The following BMP15 variants were observed in gnomAD, a reference collection of about 807,000 sequenced individuals.
BMP15 encodes the protein bone morphogenetic protein 15, also known as growth/differentiation factor 9B.
In BMP15, 5 loss-of-function variants were observed where a neutral mutation model predicts 4.4. The observed-to-expected ratio is 1.13, with a 90% confidence interval of 0.59 to 2.38. The LOEUF (loss-of-function observed/expected upper bound fraction) is 2.38. BMP15 is among the 30% of genes most tolerant of loss of function. The pLI is 0.01. For missense variants in BMP15, 339 were observed against 309.8 expected, an observed-to-expected ratio of 1.09 and a Z score of -0.71; for synonymous variants, 125 against 114.6, an observed-to-expected ratio of 1.09 and a Z score of -0.58.
chrX:50,913,025 G>T (rs73488027), intron 1 of BMP15, among the ~76,000 whole-genome samples: 17,977 of 110,704 alleles, frequency 0.16, 1,140 homozygotes, highest in Non-Finnish European at 0.2. Flanking sequence ...AAAACAAGTT[G>T]GTTCCAATTG....
rs782790355 is a variant in BMP15 at position 50,913,738 on chromosome X, T to C, written c.329-2019T>C. 2.7e-5 allele frequency among the ~76,000 whole-genome samples: 3 copies of C among 110,638 alleles called. No homozygotes were observed. The East Asian group carries it at 8.6e-4, about 32-fold the overall frequency. ...CTTCAGGAAACATGTGATGTCAAGG[T>C]CTCAAAGAAAAGGGCAGTTCCTCCC... On this transcript the variant is annotated intron_variant, in intron 1 of 1. Coordinates refer to ENST00000252677, the MANE Select transcript of BMP15 (RefSeq NM_005448.2).
rs1557280278 is a variant in BMP15 at position 50,915,787 on chromosome X, C to T, written c.359C>T (p.Pro120Leu). Reference protein sequence around the residue: ...GTWHIQILGFPLRPNRGLYQL... With the variant: ...GTWHIQILGFLLRPNRGLYQL... Reference sequence around the variant, plus strand: ...TGGCATATACAGATCCTGGGCTTTCCTCTCAGACCAAACCGAGGACTATAC... The same window carrying T: ...TGGCATATACAGATCCTGGGCTTTCTTCTCAGACCAAACCGAGGACTATAC... The change falls in exon 2 of 2, where the codon CCT becomes CTT. Residue 120 changes from proline (P) to leucine (L), a missense_variant. Transcript: ENST00000252677. 1 of 1,209,438 alleles carries T rather than the reference C, an allele frequency of 8.3e-7. No homozygotes were observed. Among genetic ancestry groups the T allele is most frequent in the African/African-American group, 1.8e-5 (1 of 56,974 alleles).
chrX:50,916,022 G>A lies in BMP15; in HGVS notation c.594G>A (p.Lys198=), dbSNP rs1923120648. The stretch of plus-strand genomic sequence containing the variant: ...TTCAGCAAAGGTTCTGGAATAACAA[G>A]GGACACAGGATCCTACGACTCCGTT... The part of the protein sequence containing the change: ...QLVQQRFWNN[K]GHRILRLRFM... Residue 198 remains lysine, a synonymous_variant, in exon 2 of 2, where the codon AAG becomes AAA. Coordinates refer to ENST00000252677, the MANE Select transcript of BMP15 (RefSeq NM_005448.2). 8.3e-7 allele frequency: 1 copy of A among 1,211,936 alleles called. No individual in the cohort carries two copies. The highest frequency in any genetic ancestry group is 3.0e-5 in the East Asian group (1 of 33,846).
At position 50,916,505 on chromosome X, in the gene BMP15, G is replaced by A. The variant is rs147148606; in HGVS notation, c.1077G>A (p.Pro359=). The change falls in exon 2 of 2, where the codon CCG becomes CCA. Residue 359 remains proline, a synonymous_variant. Transcript: ENST00000252677. Reference sequence around the variant, plus strand: ...GTGTCCCCCGGCCCTCCTGTGTCCCGTATAAGTATGTTCCAATTAGTGTCC... The same window carrying A: ...GTGTCCCCCGGCCCTCCTGTGTCCCATATAAGTATGTTCCAATTAGTGTCC... ...DQSVPRPSCV[P]YKYVPISVLM... The A allele has an allele frequency of 2.2e-4, 266 of 1,209,270 alleles. No homozygotes were observed. The highest frequency in any genetic ancestry group is 2.8e-4 in the Non-Finnish European group (255 of 895,067).
At chrX:50,914,590 A>C (rs1182646195) in intron 1 of BMP15, among the ~76,000 whole-genome samples, 3 of 111,814 alleles carry the variant, frequency 2.7e-5, no homozygotes, top group African/African-American at 9.8e-5. Context: ...CTGGAAAAAA[A>C]AATTCTGGAA....
At chrX:50,911,269 C>T (rs1557279963) in intron 1 of BMP15, among the ~76,000 whole-genome samples, 158 bp downstream of exon 1, 1 of 113,038 alleles carries the variant, frequency 8.8e-6, no homozygotes, top group Non-Finnish European at 1.9e-5. Flanking sequence ...TTGGAGAAGC[C>T]AGCGCCAAGC....
intron 1 of BMP15, among the ~76,000 whole-genome samples, chrX:50,914,982 A>G (rs1923097388): frequency 8.9e-6 from 1 of 111,739 alleles, no homozygotes; most frequent in African/African-American, 3.3e-5. Flanking sequence ...TAGTATATAG[A>G]GGAATAGTGG....
intron 1 of BMP15, among the ~76,000 whole-genome samples, chrX:50,914,689 G>A (rs1923090131): frequency 8.9e-6 from 1 of 112,015 alleles, no homozygotes; most frequent in East Asian, 2.8e-4. Context: ...AGAAGGACTA[G>A]GTGAATAAAT....
intron 1 of BMP15, among the ~76,000 whole-genome samples, chrX:50,911,572 T>C (rs1557279989): frequency 8.9e-6 from 1 of 111,951 alleles, no homozygotes; most frequent in East Asian, 2.8e-4. Context: ...CCTGGCTCTG[T>C]GAACATGTGC....
chrX:50,914,542 G>C (rs183710658), intron 1 of BMP15, among the ~76,000 whole-genome samples: 1 of 111,647 alleles, frequency 9.0e-6, no homozygotes, highest in African/African-American at 3.3e-5. Flanking sequence ...AGCCATGATT[G>C]TGCCACTGTA....
chrX:50,914,768 C>G (rs1396910033), intron 1 of BMP15, among the ~76,000 whole-genome samples: 1 of 111,418 alleles, frequency 9.0e-6, no homozygotes, highest in African/African-American at 3.3e-5. Context: ...CCTGTGGTGC[C>G]AGGCTTTTGT....
rs896334113 is a variant in BMP15, at chrX:50,910,740, T to C, written c.-44T>C. 9.0e-7 allele frequency: 1 copy of C among 1,116,383 alleles called. No homozygotes were observed. Among genetic ancestry groups the C allele is most frequent in the African/African-American group, 1.8e-5 (1 of 55,289 alleles). 92.0% of individuals were successfully genotyped at this position (1,116,383 alleles called of 1,213,427 possible). A position where few individuals can be genotyped will look rare whatever the true frequency, so the allele number is the denominator to read the frequency against. On this transcript the variant is annotated 5_prime_UTR_variant, in exon 1 of 2. Coordinates refer to ENST00000252677, the MANE Select transcript of BMP15 (RefSeq NM_005448.2). Reference sequence around the variant, plus strand: ...AGGAAATGGTCAGAGTGACGTCCCTTGGGCTTGTGTTGGGGCCTGTTGTTG... The same window carrying C: ...AGGAAATGGTCAGAGTGACGTCCCTCGGGCTTGTGTTGGGGCCTGTTGTTG...
chrX:50,913,259 T>C (rs1195775735), intron 1 of BMP15, among the ~76,000 whole-genome samples: 2 of 110,940 alleles, frequency 1.8e-5, no homozygotes, highest in African/African-American at 6.6e-5. Flanking sequence ...GAGACATGTC[T>C]CTACAAAAAA....
At chrX:50,912,752 T>C (rs1389881629) in intron 1 of BMP15, among the ~76,000 whole-genome samples, 1 of 112,024 alleles carries the variant, frequency 8.9e-6, no homozygotes, top group Non-Finnish European at 1.9e-5. Context: ...ACCCCTACTT[T>C]CATGGAACAT....
intron 1 of BMP15, among the ~76,000 whole-genome samples, chrX:50,914,328 T>A (rs1449878147): frequency 2.7e-5 from 3 of 111,723 alleles, no homozygotes; most frequent in Non-Finnish European, 5.7e-5. Context: ...AAAGGGCGGC[T>A]AATCCCTGCA....
chrX:50,914,635 G>A (rs1557280213), intron 1 of BMP15, among the ~76,000 whole-genome samples: 2 of 111,854 alleles, frequency 1.8e-5, no homozygotes, highest in Non-Finnish European at 3.8e-5. Flanking sequence ...TGTTAAAAAT[G>A]CCACATCTAA....
rs199957593 is a variant in BMP15, at chrX:50,916,416, G to A, written c.988G>A (p.Asp330Asn). 3.1e-5 allele frequency: 37 copies of A among 1,209,149 alleles called. No homozygotes were observed. Among genetic ancestry groups the A allele is most frequent in the Non-Finnish European group, 3.8e-5 (34 of 893,649 alleles). The change falls in exon 2 of 2, where the codon GAT becomes AAT. Residue 330 changes from aspartate (D) to asparagine (N), a missense_variant. Physicochemically the swap from Asp to Asn is conservative, Grantham distance 23. Transcript: ENST00000252677. ...CKGTCLRVLR[D>N]GLNSPNHAII... ...AGGAACTTGTCTCCGAGTACTACGC[G>A]ATGGTCTCAATTCCCCCAATCACGC... is the stretch of plus-strand genomic sequence containing the variant.
chrX:50,913,860 G>A (rs781933028), intron 1 of BMP15, among the ~76,000 whole-genome samples: 1 of 111,924 alleles, frequency 8.9e-6, no homozygotes, highest in South Asian at 3.8e-4. Context: ...TAAGATGGGA[G>A]TGTGGAATAA....
intron 1 of BMP15, among the ~76,000 whole-genome samples, chrX:50,911,599 G>A (rs868952243): frequency 2.7e-5 from 3 of 111,673 alleles, no homozygotes; most frequent in Non-Finnish European, 5.6e-5. Flanking sequence ...ATTTCTTAAT[G>A]AAAGCTACTA....
Sources: allele counts gnomAD v4.1 joint callset (sites outside exome capture counted in the v4.1 genomes callset), GRCh38; gene constraint gnomAD v4.1.1; transcripts MANE v1.5; gene names NCBI Gene and HGNC (gene_info 2026-07-23, HGNC 2026-07-21).